The following ST6GALNAC6 variants were observed in gnomAD, a reference collection of about 807,000 sequenced individuals.
ST6GALNAC6 encodes the protein alpha-N-acetylgalactosaminide alpha-2,6-sialyltransferase 6.
Under a neutral mutation model 34.3 loss-of-function variants are expected in ST6GALNAC6, and 19 were observed. The ratio of observed to expected loss-of-function variants is 0.55; its 90% CI spans 0.39 to 0.81. ST6GALNAC6 has a LOEUF of 0.81. ST6GALNAC6 is among the 40% of genes least tolerant of loss of function. The pLI, the probability that ST6GALNAC6 is intolerant of heterozygous loss-of-function variation, is 0.00. For missense variants in ST6GALNAC6, 377 were observed against 467.7 expected (o/e 0.81, Z 1.79); for synonymous variants, 185 against 182.1 (o/e 1.02, Z -0.13).
rs61732487 is a variant in ST6GALNAC6 at position 127,890,963 on chromosome 9, G to T, written c.378C>A (p.Ile126=). The change falls in exon 5 of 7, where the codon ATC becomes ATA. Residue 126 remains isoleucine, a synonymous_variant. Coordinates refer to ENST00000373146, the MANE Select transcript of ST6GALNAC6 (RefSeq NM_013443.5). This position sits in a 1 kb window ranked among gnomAD's most constrained non-coding sequence, Gnocchi z 4.3. ...HLLGTKLGPE[I]ERAECTIRMN... ...TGCGGATTGTACACTCAGCCCGCTC[G>T]ATCTCAGGGCCCAGCTTGGTGCCCA... is the stretch of plus-strand genomic sequence containing the variant. 1.2e-6 allele frequency: 2 copies of T among 1,614,142 alleles called. No homozygotes were observed. The highest frequency in any genetic ancestry group is 3.3e-5 in the Admixed American group (2 of 60,012).
At position 127,898,007 on chromosome 9, in the gene ST6GALNAC6, T is replaced by A. The variant is rs1830577382; in HGVS notation, c.-26A>T. On this transcript the variant is annotated 5_prime_UTR_variant, in exon 2 of 7. Coordinates refer to ENST00000373146, the MANE Select transcript of ST6GALNAC6 (RefSeq NM_013443.5). ...GTGACCTCTCTGAGCCTCAGTTTCC[T>A]CATCTGTGAAATGGGAACAATAAGA... is the stretch of plus-strand genomic sequence containing the variant. The A allele has an allele frequency of 7.1e-7, 1 of 1,402,504 alleles. No individual in the cohort carries two copies. The highest frequency in any genetic ancestry group is 1.4e-5 in the African/African-American group (1 of 70,422). 86.9% of individuals were successfully genotyped at this position (1,402,504 alleles called of 1,614,324 possible).
chr9:127,897,435 G>A, intron 2 of ST6GALNAC6: 2 of 987,162 alleles, frequency 2.0e-6, no homozygotes, highest in South Asian at 4.7e-5. Flanking sequence ...GAGGAGGCTT[G>A]GCACACACAC....
intron 4 of ST6GALNAC6, among the ~76,000 whole-genome samples, chr9:127,893,913 T>C (rs1830292392): frequency 6.6e-6 from 1 of 152,242 alleles, no homozygotes; most frequent in Non-Finnish European, 1.5e-5. Flanking sequence ...CTGAATTTCA[T>C]GGCTACCCAA....
chr9:127,905,605 A>T (rs746170107), upstream of ST6GALNAC6, among the ~76,000 whole-genome samples: 1 of 152,094 alleles, frequency 6.6e-6, no homozygotes, highest in African/African-American at 2.4e-5. Flanking sequence ...GAGACAACCA[A>T]TGGGGCAGGG....
rs757545119 is a variant in ST6GALNAC6, at chr9:127,896,192, T to G, written c.117+50A>C. ...GACAGGTCCAAAGGAACCCGTTCCA[T>G]GGAGGGAAGTGAGAGGCTCAATGGG... On this transcript the variant is annotated intron_variant, in intron 3 of 6. Transcript: ENST00000373146. The G allele has an allele frequency of 3.8e-6, 6 of 1,595,806 alleles. No individual in the cohort carries two copies. The East Asian group carries it at 1.1e-4, about 30-fold the overall frequency.
Position 127,890,587 on chromosome 9 carries a change from C to T in ST6GALNAC6, c.704+50G>A. 2.5e-6 allele frequency: 4 copies of T among 1,608,284 alleles called. No homozygotes were observed. The highest frequency in any genetic ancestry group is 3.4e-6 in the Non-Finnish European group (4 of 1,176,944). ...CAACAGGCCCTCTGGATGGGGCATG[C>T]TGAGAAGGAGCACAGTGCTGGCCAG... On this transcript the variant is annotated intron_variant, in intron 5 of 6. Coordinates refer to ENST00000373146, the MANE Select transcript of ST6GALNAC6 (RefSeq NM_013443.5). This position sits in a 1 kb window ranked among gnomAD's most constrained non-coding sequence, Gnocchi z 4.3.
rs144944271 is a variant in ST6GALNAC6 at position 127,890,646 on chromosome 9, C to T, written c.695G>A (p.Gly232Asp). The change falls in exon 5 of 7, where the codon GGC becomes GAC. Residue 232 changes from glycine (G) to aspartate (D), a missense_variant. By Grantham distance (94) the Gly-to-Asp change is moderately conservative. Coordinates refer to ENST00000373146, the MANE Select transcript of ST6GALNAC6 (RefSeq NM_013443.5). This position sits in a 1 kb window ranked among gnomAD's most constrained non-coding sequence, Gnocchi z 4.3. Reference sequence around the variant, plus strand: ...GGCAGGAGGCTGGTACCTGTCCTTGCCCGTCTCACCCCGGAAGAGGTCGTC... The same window carrying T: ...GGCAGGAGGCTGGTACCTGTCCTTGTCCGTCTCACCCCGGAAGAGGTCGTC... ...QFDDLFRGETGKDREKSHSWL... is the reference protein window; with the variant it reads ...QFDDLFRGETDKDREKSHSWL... The T allele has an allele frequency of 1.2e-4, 191 of 1,613,060 alleles. No homozygotes were observed. The highest frequency in any genetic ancestry group is 1.5e-4 in the Non-Finnish European group (178 of 1,180,032).
rs192242925 is a variant in ST6GALNAC6 at position 127,896,917 on chromosome 9, G to A, written c.27-585C>T. On this transcript the variant is annotated intron_variant, in intron 2 of 6. Coordinates refer to ENST00000373146, the MANE Select transcript of ST6GALNAC6 (RefSeq NM_013443.5). ...AGTTTCCCTGTGCCTCCACAGCCAC[G>A]GAGATTCAGGAATATCGCTGAATGA... The A allele has an allele frequency of 8.3e-4, 819 of 985,302 alleles. 5 individuals are homozygous for A. The African/African-American group carries it at 0.013, about 16-fold the overall frequency. 61.0% of individuals were successfully genotyped at this position (985,302 alleles called of 1,614,324 possible).
intron 4 of ST6GALNAC6, among the ~76,000 whole-genome samples, chr9:127,891,823 C>A (rs981263504): frequency 6.6e-6 from 1 of 150,416 alleles, no homozygotes; most frequent in Non-Finnish European, 1.5e-5. Context: ...GGGCAAGTGA[C>A]CAAAGAGCGA....
At chr9:127,905,831 C>G (rs1349932868), upstream of ST6GALNAC6, 9 of 589,986 alleles carry the variant, frequency 1.5e-5, no homozygotes, top group African/African-American at 1.8e-4. Flanking sequence ...ACCACTACAG[C>G]AGAAAGTGGG....
At chr9:127,901,535 G>A (rs2131596529), upstream of ST6GALNAC6, among the ~76,000 whole-genome samples, 1 of 152,278 alleles carries the variant, frequency 6.6e-6, no homozygotes, top group African/African-American at 2.4e-5. Flanking sequence ...TTGAACCTGA[G>A]AGGCGGGAGG....
rs775009832 is a variant in ST6GALNAC6, at chr9:127,890,720, G to A, written c.621C>T (p.Phe207=). 14 of 1,613,696 alleles carry A rather than the reference G, an allele frequency of 8.7e-6. No homozygotes were observed. In the South Asian group the frequency reaches 1.5e-4, roughly 18 times the overall value. Residue 207 remains phenylalanine (F), a synonymous_variant, in exon 5 of 7, where the codon TTC becomes TTT. Coordinates refer to ENST00000373146, the MANE Select transcript of ST6GALNAC6 (RefSeq NM_013443.5). The surrounding 1 kb of genome is among the most constrained non-coding windows in gnomAD (Gnocchi z 4.3). Reference sequence around the variant, plus strand: ...AGACGGCATATGCTTCCATGTTGGGGAACACCAGGCCCGCTCGCTGGATCA... The same window carrying A: ...AGACGGCATATGCTTCCATGTTGGGAAACACCAGGCCCGCTCGCTGGATCA... ...VRVIQRAGLV[F]PNMEAYAVSP...
At chr9:127,893,001 G>A (rs547628127) in intron 4 of ST6GALNAC6, among the ~76,000 whole-genome samples, 43 of 152,270 alleles carry the variant, frequency 2.8e-4, no homozygotes, top group Admixed American at 9.2e-4. Flanking sequence ...CTGGCCCTGC[G>A]ATTGTTAAAC....
At chr9:127,893,751 G>C (rs907200732) in intron 4 of ST6GALNAC6, among the ~76,000 whole-genome samples, 5 of 152,208 alleles carry the variant, frequency 3.3e-5, no homozygotes, top group African/African-American at 1.2e-4. Flanking sequence ...GTGTTAACCT[G>C]TCTCCAGACA....
At chr9:127,898,118 G>A (rs1244277092) in intron 1 of ST6GALNAC6, 108 bp from the exon 2 acceptor site, 3 of 677,762 alleles carry the variant, frequency 4.4e-6, no homozygotes, top group African/African-American at 1.8e-5. Context: ...ACATTGGCCG[G>A]GCGCGGTGGC....
rs746162894 is a variant in ST6GALNAC6, at chr9:127,890,851, C to T, written c.490G>A (p.Val164Met). 1.2e-5 allele frequency: 19 copies of T among 1,614,054 alleles called. No individual in the cohort carries two copies. The highest frequency in any genetic ancestry group is 1.1e-4 in the African/African-American group (8 of 74,926). The change falls in exon 5 of 7, where the codon GTG (valine) becomes ATG (methionine). Residue 164 changes from valine to methionine, a missense_variant. Val to Met is a conservative substitution (Grantham distance 21). Coordinates refer to ENST00000373146, the MANE Select transcript of ST6GALNAC6 (RefSeq NM_013443.5). The surrounding 1 kb of genome is among the most constrained non-coding windows in gnomAD (Gnocchi z 4.3). ...ACAAACTCCTGGGGCCTCCTCAGCA[C>T]GCGGAACACACTGGAATGGGCCACG... Reference protein sequence around the residue: ...RVVAHSSVFRVLRRPQEFVNR... With the variant: ...RVVAHSSVFRMLRRPQEFVNR...
At chr9:127,906,132 G>T, upstream of ST6GALNAC6, 1 of 636,130 alleles carries the variant, frequency 1.6e-6, no homozygotes, top group Non-Finnish European at 2.0e-6. Context: ...AGCCCCCTCT[G>T]TGAAAGCCAA....
Position 127,886,659 on chromosome 9 carries a change from C to G in ST6GALNAC6, c.942G>C (p.Arg314Ser), listed in dbSNP as rs1247662849. The G allele has an allele frequency of 6.2e-7, 1 of 1,614,092 alleles. No individual in the cohort carries two copies. The highest frequency in any genetic ancestry group is 8.5e-7 in the Non-Finnish European group (1 of 1,180,016). Reference sequence around the variant, plus strand: ...ACAGCTGGGCCCACGATGAGAAGACCCTTTTCTCGGTGATGAAGCGGTGGT... The same window carrying G: ...ACAGCTGGGCCCACGATGAGAAGACGCTTTTCTCGGTGATGAAGCGGTGGT... ...GNHHRFITEK[R>S]VFSSWAQLYG... The change falls in exon 7 of 7, where the codon AGG (arginine) becomes AGC (serine). Residue 314 changes from arginine to serine, a missense_variant. Transcript: ENST00000373146.
intron 1 of ST6GALNAC6, 54 bp downstream of exon 1, chr9:127,899,449 G>C: frequency 1.7e-4 from 98 of 562,542 alleles, no homozygotes; most frequent in Middle Eastern, 9.0e-4. Flanking sequence ...CTCCGCCCCA[G>C]CCCCCGCCTC....
Sources: allele counts gnomAD v4.1 joint callset (sites outside exome capture counted in the v4.1 genomes callset), GRCh38; gene constraint gnomAD v4.1.1; non-coding constraint Gnocchi (gnomAD v3.1); transcripts MANE v1.5; gene names NCBI Gene and HGNC (gene_info 2026-07-23, HGNC 2026-07-21).